CPNE5: variants seen among roughly 807,000 people sequenced by gnomAD.
CPNE5 encodes the protein copine-5.
A neutral mutation model predicts 81.1 loss-of-function variants in CPNE5; 42 were observed. That is an observed-to-expected ratio of 0.52 (90% CI 0.40 to 0.67). CPNE5 has a LOEUF of 0.67. Among genes scored for constraint, CPNE5 ranks in the 30% least tolerant of loss-of-function variants. The pLI, the probability that CPNE5 is intolerant of heterozygous loss-of-function variation, is 0.00. For synonymous variants in CPNE5, 313 were observed against 321.5 expected, an observed-to-expected ratio of 0.97 and a Z score of 0.28; for missense variants, 612 against 815.5, an observed-to-expected ratio of 0.75 and a Z score of 3.04.
chr6:36,741,978 T>G lies in CPNE5; in HGVS notation c.*290A>C. The G allele has an allele frequency of 2.4e-6, 1 of 411,174 alleles. No individual in the cohort carries two copies. The highest frequency in any genetic ancestry group is 4.0e-5 in the Admixed American group (1 of 25,232). 25.5% of individuals were successfully genotyped at this position (411,174 alleles called of 1,614,324 possible). ...GGGCGACAGGGACCCCAATCACCCT[T>G]ATTGTTTACACCTTCCTGGCTGGGT... On this transcript the variant is annotated 3_prime_UTR_variant, in exon 21 of 21. Coordinates refer to ENST00000244751, the MANE Select transcript of CPNE5 (RefSeq NM_020939.2).
At chr6:36,811,875 G>A (rs553610220) in intron 3 of CPNE5, among the ~76,000 whole-genome samples, 18 of 152,192 alleles carry the variant, frequency 1.2e-4, no homozygotes, top group Admixed American at 3.3e-4. Context: ...AGGCCGAGGT[G>A]GGCGGATCTC....
Position 36,747,258 on chromosome 6 carries a change from C to CCG in CPNE5, c.1019-682_1019-681insCG, listed in dbSNP as rs1554193587. Reference sequence around the variant, plus strand: ...CCTTCTTCCTGGCTTGATTTCCCCCCCCAGAGCCCTCTTCGCTGCCAATAT... The same window carrying CCG: ...CCTTCTTCCTGGCTTGATTTCCCCCCCGCCAGAGCCCTCTTCGCTGCCAATAT... On this transcript the variant is annotated intron_variant, in intron 15 of 20. Transcript: ENST00000244751. Among the ~76,000 whole-genome samples the CCG allele has an allele frequency of 4.7e-3, 720 of 152,208 alleles. 7 individuals carry two copies. The highest frequency in any genetic ancestry group is 0.016 in the African/African-American group (644 of 41,510).
intron 7 of CPNE5, among the ~76,000 whole-genome samples, chr6:36,794,207 G>A (rs185711064): frequency 5.3e-5 from 8 of 151,490 alleles, no homozygotes; most frequent in African/African-American, 1.5e-4. Flanking sequence ...GAGGAAAGAG[G>A]GGGAGAGAAG....
chr6:36,765,587 T>C (rs2150421413), intron 10 of CPNE5, among the ~76,000 whole-genome samples: 1 of 152,212 alleles, frequency 6.6e-6, no homozygotes, highest in African/African-American at 2.4e-5. Flanking sequence ...CAGGGCTGTG[T>C]AGGGACTGCC....
intron 3 of CPNE5, among the ~76,000 whole-genome samples, chr6:36,820,008 A>G (rs1771901767): frequency 1.3e-5 from 2 of 152,226 alleles, no homozygotes; most frequent in Non-Finnish European, 2.9e-5. Flanking sequence ...CTCAGCAAGC[A>G]CATCCCACCT....
intron 1 of CPNE5, among the ~76,000 whole-genome samples, chr6:36,835,123 C>T (rs1320064361): frequency 6.6e-6 from 1 of 152,236 alleles, no homozygotes; most frequent in African/African-American, 2.4e-5. Flanking sequence ...CTCGCCCCGC[C>T]GCGTCTTCCC....
chr6:36,753,462 C>T (rs1331097444), intron 13 of CPNE5, among the ~76,000 whole-genome samples: 1 of 152,234 alleles, frequency 6.6e-6, no homozygotes, highest in Non-Finnish European at 1.5e-5. Context: ...ACTGGCTCTT[C>T]AGCCCCAGGG....
intron 1 of CPNE5, chr6:36,838,749 A>G (rs1210239948): frequency 2.0e-6 from 2 of 983,000 alleles, no homozygotes; most frequent in African/African-American, 3.5e-5. Flanking sequence ...TTCGTTGTTG[A>G]TAGAGATGAA....
Position 36,746,678 on chromosome 6 carries a change from T to C in CPNE5, c.1019-101A>G. 9.8e-7 allele frequency: 1 copy of C among 1,025,582 alleles called. No individual in the cohort carries two copies. The highest frequency in any genetic ancestry group is 1.4e-6 in the Non-Finnish European group (1 of 698,972). 63.5% of individuals were successfully genotyped at this position (1,025,582 alleles called of 1,614,324 possible). A position where few individuals can be genotyped will look rare whatever the true frequency, so the allele number is the denominator to read the frequency against. ...TGTCCAAGGGCACCCCTAACTTTTA[T>C]TAATTCTTGACTCCTCTCTTTCTCT... On this transcript the variant is annotated intron_variant, in intron 15 of 20. Coordinates refer to ENST00000244751, the MANE Select transcript of CPNE5 (RefSeq NM_020939.2). The surrounding 1 kb of genome is among the most constrained non-coding windows in gnomAD (Gnocchi z 4.5).
At chr6:36,779,661 A>C (rs544939711) in intron 8 of CPNE5, among the ~76,000 whole-genome samples, 40 of 152,300 alleles carry the variant, frequency 2.6e-4, no homozygotes, top group African/African-American at 9.6e-4. Flanking sequence ...AAGTTCACCA[A>C]GCAGAGCCCA....
intron 15 of CPNE5, among the ~76,000 whole-genome samples, chr6:36,747,073 T>C (rs1334582198): frequency 1.3e-5 from 2 of 152,118 alleles, no homozygotes; most frequent in Admixed American, 6.5e-5. Flanking sequence ...CTCAGGACCT[T>C]GGTGATGGCT....
chr6:36,818,205 A>C lies in CPNE5; in HGVS notation c.183+3909T>G, dbSNP rs77032687. Among the ~76,000 whole-genome samples the C allele has an allele frequency of 5.4e-4, 82 of 152,206 alleles. 1 individual carries two copies. In the East Asian group the frequency reaches 0.014, roughly 26 times the overall value. ...TGGCTTGTGCTTGGGCTCAAATTCC[A>C]TTTAAAAAAATCCAAATGACCTGTC... On this transcript the variant is annotated intron_variant, in intron 3 of 20. Coordinates refer to ENST00000244751, the MANE Select transcript of CPNE5 (RefSeq NM_020939.2).
At chr6:36,828,064 A>G (rs1772659444) in intron 1 of CPNE5, among the ~76,000 whole-genome samples, 1 of 152,020 alleles carries the variant, frequency 6.6e-6, no homozygotes, top group Admixed American at 6.6e-5. Flanking sequence ...CTGTGAGGTC[A>G]GAAGTCTCCA....
rs760658415 is a variant in CPNE5 at position 36,741,956 on chromosome 6, C to T, written c.*312G>A. On this transcript the variant is annotated 3_prime_UTR_variant, in exon 21 of 21. Coordinates refer to ENST00000244751, the MANE Select transcript of CPNE5 (RefSeq NM_020939.2). ...AGCAAATAGGATTGCCGGGGGTGGG[C>T]GACAGGGACCCCAATCACCCTTATT... 4.2e-5 allele frequency: 14 copies of T among 332,564 alleles called. No homozygotes were observed. Among genetic ancestry groups the T allele is most frequent in the South Asian group, 2.1e-4 (2 of 9,684 alleles). 20.6% of individuals were successfully genotyped at this position (332,564 alleles called of 1,614,324 possible).
intron 8 of CPNE5, among the ~76,000 whole-genome samples, chr6:36,786,012 C>CAA (rs36060316): frequency 0.011 from 903 of 82,626 alleles, 12 homozygotes; most frequent in East Asian, 0.031. Context: ...GACTCCGTCT[C>CAA]AAAAAAAAAA....
chr6:36,793,122 G>A (rs1769248557), intron 7 of CPNE5, among the ~76,000 whole-genome samples: 1 of 152,126 alleles, frequency 6.6e-6, no homozygotes, highest in South Asian at 2.1e-4. Flanking sequence ...CACACCTCAG[G>A]CCAGCCACAG....
chr6:36,751,198 C>T (rs1346900546), intron 14 of CPNE5, among the ~76,000 whole-genome samples: 3 of 152,226 alleles, frequency 2.0e-5, no homozygotes, highest in Admixed American at 2.0e-4. Context: ...CTATAACCTG[C>T]CCAGTATGGG....
At chr6:36,828,851 A>G (rs1772745576) in intron 1 of CPNE5, among the ~76,000 whole-genome samples, 1 of 151,954 alleles carries the variant, frequency 6.6e-6, no homozygotes, top group African/African-American at 2.4e-5. Context: ...CCAACACCCA[A>G]CTCTGTCCCT....
At chr6:36,832,771 C>G (rs761894632) in intron 1 of CPNE5, among the ~76,000 whole-genome samples, 2 of 152,240 alleles carry the variant, frequency 1.3e-5, no homozygotes, top group Non-Finnish European at 2.9e-5. Flanking sequence ...TGACTCCTCT[C>G]TGCCCCAGAG....
Sources: allele counts gnomAD v4.1 joint callset (sites outside exome capture counted in the v4.1 genomes callset), GRCh38; gene constraint gnomAD v4.1.1; non-coding constraint Gnocchi (gnomAD v3.1); transcripts MANE v1.5; gene names NCBI Gene and HGNC (gene_info 2026-07-23, HGNC 2026-07-21).